CRMP1: variants seen among roughly 807,000 people sequenced by gnomAD.
CRMP1 encodes the protein dihydropyrimidinase-related protein 1.
CRMP1 carries 19 observed loss-of-function variants against 68.3 expected under a neutral mutation model. The ratio of observed to expected loss-of-function variants is 0.28; its 90% confidence interval spans 0.19 to 0.41. The LOEUF (loss-of-function observed/expected upper bound fraction) is 0.41, where lower values mean the gene tolerates loss of function less well. Among genes scored for constraint, CRMP1 ranks in the 10% least tolerant of loss-of-function variants. The pLI, the probability that CRMP1 is intolerant of heterozygous loss-of-function variation, is 1.00. For missense variants in CRMP1, 791 were observed against 967.4 expected, an observed-to-expected ratio of 0.82 and a Z score of 2.42; for synonymous variants, 439 against 399.6, an observed-to-expected ratio of 1.10 and a Z score of -1.18.
intron 13 of CRMP1, chr4:5,824,735 A>G (rs954213370): frequency 9.1e-6 from 9 of 985,234 alleles, no homozygotes; most frequent in Non-Finnish European, 1.1e-5. Context: ...CTTCTAAGAA[A>G]AAAAATCACC....
At chr4:5,862,970 G>A (rs1713695571) in intron 2 of CRMP1, among the ~76,000 whole-genome samples, 1 of 152,054 alleles carries the variant, frequency 6.6e-6, no homozygotes, top group East Asian at 1.9e-4. Flanking sequence ...ACCATGCCCA[G>A]GTAATTTTGT....
intron 9 of CRMP1, among the ~76,000 whole-genome samples, chr4:5,837,700 A>AT (rs1720823885): frequency 4.0e-5 from 6 of 151,222 alleles, no homozygotes; most frequent in African/African-American, 1.5e-4. Context: ...AATAAAATAA[A>AT]AAATGAATGG....
In CRMP1 at chr4:5,871,743, T is replaced by A. The variant is rs539860674; in HGVS notation, c.382-4987A>T. 2.6e-5 allele frequency among the ~76,000 whole-genome samples: 4 copies of A among 152,216 alleles called. No individual in the cohort carries two copies. The South Asian group carries it at 8.3e-4, about 32-fold the overall frequency. On this transcript the variant is annotated intron_variant, in intron 1 of 13. Transcript: ENST00000324989. ...TGTCTTTATGACAGAACTTTTCAGA[T>A]CCTTGCCTCTGCTGATATTTGATAC...
At chr4:5,824,258 T>A in intron 13 of CRMP1, 1 of 982,750 alleles carries the variant, frequency 1.0e-6, no homozygotes, top group East Asian at 1.1e-4. Flanking sequence ...ATGAAGCCAA[T>A]CCCTGGTTTG....
At chr4:5,824,230 A>C in intron 13 of CRMP1, 1 of 930,506 alleles carries the variant, frequency 1.1e-6, no homozygotes, top group Non-Finnish European at 1.3e-6. Flanking sequence ...TGTTGCACCC[A>C]GATAGCTTTT....
Position 5,892,535 on chromosome 4 carries a change from G to A in CRMP1, c.381+54C>T. On this transcript the variant is annotated intron_variant, in intron 1 of 13. Coordinates refer to ENST00000324989, the MANE Select transcript of CRMP1 (RefSeq NM_001014809.3). The surrounding 1 kb of genome is among the most constrained non-coding windows in gnomAD (Gnocchi z 8.6). The stretch of plus-strand genomic sequence containing the variant: ...ATGGCCCTCGGGCGCCCCATGCCCT[G>A]GGTCCTCCCGGGGCCCGCCCCCCTC... 8.6e-7 allele frequency: 1 copy of A among 1,160,800 alleles called. No individual in the cohort carries two copies. The highest frequency in any genetic ancestry group is 1.1e-6 in the Non-Finnish European group (1 of 942,240). 71.9% of individuals were successfully genotyped at this position (1,160,800 alleles called of 1,614,324 possible).
chr4:5,827,944 G>T, intron 12 of CRMP1: 2 of 697,072 alleles, frequency 2.9e-6, no homozygotes, highest in Non-Finnish European at 3.5e-6. Context: ...GATGTCCTGA[G>T]GTCAGTGCTA....
At position 5,889,499 on chromosome 4, in the gene CRMP1, G is replaced by C. The variant is rs1715841289; in HGVS notation, c.381+3090C>G. 6.8e-7 allele frequency: 1 copy of C among 1,463,478 alleles called. No homozygotes were observed. 90.7% of individuals were successfully genotyped at this position (1,463,478 alleles called of 1,614,324 possible). On this transcript the variant is annotated intron_variant, in intron 1 of 13. Coordinates refer to ENST00000324989, the MANE Select transcript of CRMP1 (RefSeq NM_001014809.3). The surrounding 1 kb of genome is among the most constrained non-coding windows in gnomAD (Gnocchi z 4.5). ...GAGGTGGGCAGGAAGCCAGGTCACA[G>C]CTTGACAAGGTCCGTAACAGCAGAG...
In CRMP1 at chr4:5,858,575, T is replaced by C. The variant is rs980987900; in HGVS notation, c.656-2268A>G. The stretch of plus-strand genomic sequence containing the variant: ...CCTGGAGCTGTCCAATTCTGCCCAC[T>C]CCATGGCCACGCCACCCTCATCTCT... On this transcript the variant is annotated intron_variant, in intron 3 of 13. Transcript: ENST00000324989. The surrounding 1 kb of genome is among the most constrained non-coding windows in gnomAD (Gnocchi z 5.5). Among the ~76,000 whole-genome samples the C allele has an allele frequency of 1.3e-5, 2 of 152,080 alleles. No individual in the cohort carries two copies. Among genetic ancestry groups the C allele is most frequent in the African/African-American group, 4.8e-5 (2 of 41,394 alleles).
At position 5,888,330 on chromosome 4, in the gene CRMP1, T is replaced by TC; in HGVS notation, c.381+4258dup. On this transcript the variant is annotated intron_variant, in intron 1 of 13. Coordinates refer to ENST00000324989, the MANE Select transcript of CRMP1 (RefSeq NM_001014809.3). The surrounding 1 kb of genome is among the most constrained non-coding windows in gnomAD (Gnocchi z 6.4). ...GGGGCTGTCTGACTGGAACCGGCGC[T>TC]CTCGGCCCCGCTCCCAGCGGGCGCG... 1 of 1,239,908 alleles carries TC rather than the reference T, an allele frequency of 8.1e-7. No homozygotes were observed. The highest frequency in any genetic ancestry group is 1.0e-6 in the Non-Finnish European group (1 of 987,060). 76.8% of individuals were successfully genotyped at this position (1,239,908 alleles called of 1,614,324 possible).
chr4:5,825,267 C>T lies in CRMP1; in HGVS notation c.1969+227G>A, dbSNP rs955037938. ...TTTGGTACCTCTCTTTGTAAACCCA[C>T]ATCAGGTACCACCATGTTGCCCCCC... On this transcript the variant is annotated intron_variant, in intron 13 of 13. Coordinates refer to ENST00000324989, the MANE Select transcript of CRMP1 (RefSeq NM_001014809.3). This position sits in a 1 kb window ranked among gnomAD's most constrained non-coding sequence, Gnocchi z 4.4. 33 of 985,254 alleles carry T rather than the reference C, an allele frequency of 3.3e-5. No individual in the cohort carries two copies. In the African/African-American group the frequency reaches 5.8e-4, roughly 17 times the overall value. 61.0% of individuals were successfully genotyped at this position (985,254 alleles called of 1,614,324 possible). A position where few individuals can be genotyped will look rare whatever the true frequency, so the allele number is the denominator to read the frequency against.
At position 5,826,310 on chromosome 4, in the gene CRMP1, G is replaced by A. The variant is rs115902131; in HGVS notation, c.1804-651C>T. On this transcript the variant is annotated intron_variant, in intron 12 of 13. Transcript: ENST00000324989. ...TTGTAGAAGTCAACAGCGAGGCAAA[G>A]ATTCGGGGGGCAGATAGTTTGTTGG... 903 of 152,866 alleles carry A rather than the reference G, an allele frequency of 5.9e-3. 2 individuals carry two copies. The highest frequency in any genetic ancestry group is 9.0e-3 in the Non-Finnish European group (617 of 68,464). The allele number at this position is 152,866 out of a possible 1,614,324, so 9.5% of individuals were successfully genotyped here. A position where few individuals can be genotyped will look rare whatever the true frequency, so the allele number is the denominator to read the frequency against.
chr4:5,868,732 G>A (rs1441700057), intron 1 of CRMP1, among the ~76,000 whole-genome samples: 1 of 152,054 alleles, frequency 6.6e-6, no homozygotes, highest in African/African-American at 2.4e-5. Flanking sequence ...TACGTATTTT[G>A]CTGCAATGAA....
rs1188180174 is a variant in CRMP1 at position 5,825,896 on chromosome 4, TAC to T, written c.1804-239_1804-238del. The T allele has an allele frequency of 3.7e-6, 2 of 534,120 alleles. No homozygotes were observed. The highest frequency in any genetic ancestry group is 2.0e-5 in the African/African-American group (1 of 50,200). 33.1% of individuals were successfully genotyped at this position (534,120 alleles called of 1,614,324 possible). On this transcript the variant is annotated intron_variant, in intron 12 of 13. Transcript: ENST00000324989. This position sits in a 1 kb window ranked among gnomAD's most constrained non-coding sequence, Gnocchi z 4.4. ...ATCTACATACCCACATGCATACACA[TAC>T]AGACGCACACACCACGCACACGCAC...
Position 5,825,970 on chromosome 4 carries a change from A to ATG in CRMP1, c.1804-312_1804-311insCA. The ATG allele has an allele frequency of 4.9e-6, 2 of 408,830 alleles. No homozygotes were observed. Among genetic ancestry groups the ATG allele is most frequent in the Non-Finnish European group, 8.8e-6 (2 of 227,268 alleles). The allele number at this position is 408,830 out of a possible 1,614,324, so 25.3% of individuals were successfully genotyped here. ...CACATATATGCATGCACATGCAGTAACAAAACAGGCCTACACAGTAGCATA... is the reference window on the plus strand; with the variant it reads ...CACATATATGCATGCACATGCAGTAATGCAAAACAGGCCTACACAGTAGCATA... On this transcript the variant is annotated intron_variant, in intron 12 of 13. Transcript: ENST00000324989. This position sits in a 1 kb window ranked among gnomAD's most constrained non-coding sequence, Gnocchi z 4.4.
rs1406553650 is a variant in CRMP1 at position 5,825,443 on chromosome 4, C to A, written c.1969+51G>T. Reference sequence around the variant, plus strand: ...TTCCTCAGAAGCAGCAGGAAGGACTCGGCCTGAACTGCTGCAATTGTGGGG... The same window carrying A: ...TTCCTCAGAAGCAGCAGGAAGGACTAGGCCTGAACTGCTGCAATTGTGGGG... On this transcript the variant is annotated intron_variant, in intron 13 of 13. Coordinates refer to ENST00000324989, the MANE Select transcript of CRMP1 (RefSeq NM_001014809.3). The surrounding 1 kb of genome is among the most constrained non-coding windows in gnomAD (Gnocchi z 4.4). 1 of 1,510,344 alleles carries A rather than the reference C, an allele frequency of 6.6e-7. No individual in the cohort carries two copies. The highest frequency in any genetic ancestry group is 8.8e-7 in the Non-Finnish European group (1 of 1,137,512). 93.6% of individuals were successfully genotyped at this position (1,510,344 alleles called of 1,614,324 possible).
chr4:5,827,667 C>G (rs1577734849), intron 12 of CRMP1, among the ~76,000 whole-genome samples: 1 of 151,848 alleles, frequency 6.6e-6, no homozygotes, highest in East Asian at 1.9e-4. Context: ...CATATGCACA[C>G]ATACACACGT....
chr4:5,856,679 T>C (rs1333802094), intron 3 of CRMP1, among the ~76,000 whole-genome samples: 1 of 150,772 alleles, frequency 6.6e-6, no homozygotes, highest in Non-Finnish European at 1.5e-5. Context: ...ATCACCATCA[T>C]CATCATCATT....
chr4:5,856,633 CATCATT>C (rs1462149152), intron 3 of CRMP1, among the ~76,000 whole-genome samples: 2 of 150,542 alleles, frequency 1.3e-5, no homozygotes, highest in East Asian at 4.0e-4. Context: ...CTATCATCAT[CATCATT>C]ATCAACCCAT....
Sources: gnomAD v4.1 joint callset for allele counts (sites outside exome capture counted in the v4.1 genomes callset) on GRCh38, gnomAD v4.1.1 for gene constraint, Gnocchi (gnomAD v3.1) non-coding constraint, MANE v1.5 for transcripts, NCBI Gene and HGNC (gene_info 2026-07-23, HGNC 2026-07-21) for gene names.